ENTREP2: variants seen among roughly 807,000 people sequenced by gnomAD.
The protein encoded by ENTREP2 is endosomal transmembrane epsin interactor 2, also known as protein ENTREP2.
the ENTREP2 span, among the ~76,000 whole-genome samples, chr15:29,174,722 A>AAAAAAAAAAAT: frequency 6.6e-6 from 1 of 151,668 alleles, no homozygotes; most frequent in African/African-American, 2.4e-5. Flanking sequence ...AAAAAAAAAA[A>AAAAAAAAAAAT]GAAAACTAGA....
chr15:29,138,808 T>G, the ENTREP2 span, among the ~76,000 whole-genome samples: 9 of 151,848 alleles, frequency 5.9e-5, no homozygotes, highest in Admixed American at 5.3e-4. Flanking sequence ...CCAAGCACTG[T>G]GTGGGGACTG....
At chr15:29,363,166 T>TAA in the ENTREP2 span, among the ~76,000 whole-genome samples, 2 of 150,942 alleles carry the variant, frequency 1.3e-5, no homozygotes, top group Non-Finnish European at 3.0e-5. Context: ...TACATTCTCT[T>TAA]AAAAAAAAAG....
At chr15:29,546,028 G>A in the ENTREP2 span, among the ~76,000 whole-genome samples, 1 of 152,184 alleles carries the variant, frequency 6.6e-6, no homozygotes, top group Non-Finnish European at 1.5e-5. Context: ...AGCTACTGCT[G>A]CCTTTGCCAC....
the ENTREP2 span, among the ~76,000 whole-genome samples, chr15:29,580,528 A>G: frequency 9.2e-5 from 14 of 152,184 alleles, no homozygotes; most frequent in African/African-American, 2.9e-4. Context: ...ATAGCGGCAG[A>G]ACAGATTATG....
At chr15:29,538,118 T>C in the ENTREP2 span, among the ~76,000 whole-genome samples, 1 of 152,152 alleles carries the variant, frequency 6.6e-6, no homozygotes, top group Non-Finnish European at 1.5e-5. Context: ...TGGGGATTTT[T>C]GCCAACCTTG....
chr15:29,123,776 C>T, the ENTREP2 span: 80 of 1,004,434 alleles, frequency 8.0e-5, no homozygotes, highest in East Asian at 2.4e-4. Context: ...CTGGGGCTGG[C>T]GCTCTGGGCA....
chr15:29,227,544 G>A, the ENTREP2 span, among the ~76,000 whole-genome samples: 2 of 152,226 alleles, frequency 1.3e-5, no homozygotes, highest in South Asian at 2.1e-4. Flanking sequence ...CTGGGTGGTC[G>A]CTGCAGGCCA....
the ENTREP2 span, among the ~76,000 whole-genome samples, chr15:29,571,045 C>G: frequency 6.8e-6 from 1 of 145,994 alleles, no homozygotes; most frequent in Non-Finnish European, 1.5e-5. Context: ...TGCTGCCGTA[C>G]CGGGCGCGAG....
chr15:29,662,710 C>T, the ENTREP2 span, among the ~76,000 whole-genome samples: 3 of 151,946 alleles, frequency 2.0e-5, no homozygotes, highest in African/African-American at 4.8e-5. Context: ...GACTGCCTCC[C>T]GATTCTTTTT....
At chr15:29,444,794 G>A in the ENTREP2 span, among the ~76,000 whole-genome samples, 2 of 152,238 alleles carry the variant, frequency 1.3e-5, no homozygotes, top group South Asian at 2.1e-4. Flanking sequence ...TCACAAATGC[G>A]TGGTCTACTG....
the ENTREP2 span, among the ~76,000 whole-genome samples, chr15:29,236,903 A>G: frequency 6.6e-5 from 10 of 151,870 alleles, no homozygotes; most frequent in Non-Finnish European, 7.4e-5. Flanking sequence ...AAGGAAGGAA[A>G]GAAGGGAGGA....
At chr15:29,180,882 C>T in the ENTREP2 span, among the ~76,000 whole-genome samples, 1 of 150,684 alleles carries the variant, frequency 6.6e-6, no homozygotes, top group South Asian at 2.1e-4. Context: ...GGAAGAAAGA[C>T]TGAATTTAGT....
the ENTREP2 span, among the ~76,000 whole-genome samples, chr15:29,578,174 A>G: frequency 6.6e-6 from 1 of 152,208 alleles, no homozygotes; most frequent in African/African-American, 2.4e-5. Flanking sequence ...GAAAATAACA[A>G]GTGTTGGAGA....
At chr15:29,337,987 GACA>G in the ENTREP2 span, among the ~76,000 whole-genome samples, 14 of 152,114 alleles carry the variant, frequency 9.2e-5, no homozygotes, top group African/African-American at 3.1e-4. Context: ...AAATGAAGGT[GACA>G]ACAACACCTT....
the ENTREP2 span, among the ~76,000 whole-genome samples, chr15:29,310,768 G>C: frequency 5.9e-5 from 9 of 152,152 alleles, no homozygotes; most frequent in Non-Finnish European, 1.3e-4. Context: ...AGACGCCAAA[G>C]CTCCCCACAA....
chr15:29,602,081 T>C, the ENTREP2 span, among the ~76,000 whole-genome samples: 2 of 152,290 alleles, frequency 1.3e-5, no homozygotes, highest in East Asian at 1.9e-4. Flanking sequence ...AATGAAACCA[T>C]GGTAAATGAG....
At chr15:29,501,621 A>G in the ENTREP2 span, among the ~76,000 whole-genome samples, 20 of 151,994 alleles carry the variant, frequency 1.3e-4, no homozygotes, top group African/African-American at 3.9e-4. Context: ...AAGGATGTCT[A>G]CCTCTCACCA....
the ENTREP2 span, among the ~76,000 whole-genome samples, chr15:29,180,139 A>G: frequency 3.9e-5 from 6 of 152,152 alleles, no homozygotes; most frequent in Non-Finnish European, 8.8e-5. Flanking sequence ...ATTTGTCTCA[A>G]TGTGTCCAGC....
At chr15:29,226,915 T>G in the ENTREP2 span, among the ~76,000 whole-genome samples, 5 of 152,234 alleles carry the variant, frequency 3.3e-5, no homozygotes, top group Non-Finnish European at 5.9e-5. Context: ...AATTGCCTTT[T>G]AAAAATAGTA....
Sources: gnomAD v4.1 joint callset for allele counts (sites outside exome capture counted in the v4.1 genomes callset) on GRCh38, gnomAD v4.1.1 for gene constraint, MANE v1.5 for transcripts, NCBI Gene and HGNC (gene_info 2026-07-23, HGNC 2026-07-21) for gene names.